ZC3H7A: variants seen among roughly 807,000 people sequenced by gnomAD.
ZC3H7A encodes zinc finger CCCH-type containing 7A.
ZC3H7A carries 44 observed loss-of-function variants against 125.5 expected under a neutral mutation model. The ratio of observed to expected loss-of-function variants is 0.35; its 90% CI spans 0.28 to 0.45. The LOEUF (loss-of-function observed/expected upper bound fraction) is 0.45. Ranked by LOEUF, ZC3H7A falls within the 20% of genes least tolerant of loss-of-function variation. ZC3H7A has a pLI of 1.00. For missense variants in ZC3H7A, 977 were observed against 1,170.7 expected (o/e 0.83, Z 2.41); for synonymous variants, 399 against 391.2 (o/e 1.02, Z -0.23).
chr16:11,769,748 AT>A (rs1269228337), intron 10 of ZC3H7A, among the ~76,000 whole-genome samples: 1 of 126,330 alleles, frequency 7.9e-6, no homozygotes. Context: ...TGACCATAAC[AT>A]TTAAAAAAAA....
At chr16:11,795,602 AT>A (rs1286227757) in intron 1 of ZC3H7A, among the ~76,000 whole-genome samples, 1 of 151,674 alleles carries the variant, frequency 6.6e-6, no homozygotes, top group African/African-American at 2.4e-5. Context: ...CGCCTGGCTG[AT>A]TTTTGTATTT....
At chr16:11,794,454 A>G (rs2053401364) in intron 1 of ZC3H7A, among the ~76,000 whole-genome samples, 2 of 152,194 alleles carry the variant, frequency 1.3e-5, no homozygotes, top group African/African-American at 4.8e-5. Context: ...CTCCTCCTTA[A>G]AAATTATCTA....
At position 11,771,524 on chromosome 16, in the gene ZC3H7A, G is replaced by GGA. The variant is rs544511833; in HGVS notation, c.904-539_904-538dup. 3.4e-4 allele frequency among the ~76,000 whole-genome samples: 51 copies of GGA among 150,168 alleles called. No individual in the cohort carries two copies. The South Asian group carries it at 0.011, about 32-fold the overall frequency. On this transcript the variant is annotated intron_variant, in intron 9 of 22. Coordinates refer to ENST00000355758, the MANE Select transcript of ZC3H7A (RefSeq NM_014153.4). The stretch of plus-strand genomic sequence containing the variant: ...ATGTCTAACTTTTTTTTTTTGAGAC[G>GGA]GAGTCTCACTCTGTCACCCAGGCTG...
At chr16:11,797,083 G>A (rs1180485150) in intron 1 of ZC3H7A, 41 bp downstream of exon 1, 1 of 145,676 alleles carries the variant, frequency 6.9e-6, no homozygotes, top group Non-Finnish European at 1.5e-5. Flanking sequence ...GCGCGGGCGC[G>A]CGCGTTTCCT....
At chr16:11,771,718 C>G (rs2052986262) in intron 9 of ZC3H7A, among the ~76,000 whole-genome samples, 1 of 152,022 alleles carries the variant, frequency 6.6e-6, no homozygotes, top group Non-Finnish European at 1.5e-5. Context: ...CCAGGCTGGT[C>G]TCAAACTCCT....
intron 8 of ZC3H7A, 42 bp from the exon 9 acceptor site, chr16:11,774,561 C>T: frequency 6.8e-7 from 1 of 1,474,710 alleles, no homozygotes; most frequent in South Asian, 1.5e-5. Context: ...TTTCATCGTA[C>T]TTACATAATA....
chr16:11,773,935 AT>A (rs1401643475), intron 9 of ZC3H7A, among the ~76,000 whole-genome samples: 2 of 152,004 alleles, frequency 1.3e-5, no homozygotes, highest in South Asian at 2.1e-4. Flanking sequence ...TATATAATTC[AT>A]TTTTTCTTAA....
intron 1 of ZC3H7A, among the ~76,000 whole-genome samples, chr16:11,788,388 C>G (rs1005774452): frequency 6.6e-6 from 1 of 152,192 alleles, no homozygotes; most frequent in African/African-American, 2.4e-5. Flanking sequence ...ACTCTCACGT[C>G]CATCCCCAGG....
rs188559159 is a variant in ZC3H7A, at chr16:11,750,682, A to G, written c.*635T>C. On this transcript the variant is annotated 3_prime_UTR_variant, in exon 23 of 23. Coordinates refer to ENST00000355758, the MANE Select transcript of ZC3H7A (RefSeq NM_014153.4). ...ACAGGTTTAATCTTTCAAAATCATC[A>G]TTTAAACAGCAAAAGACCAAGAAAT... The G allele has an allele frequency of 1.3e-5, 2 of 152,808 alleles. No homozygotes were observed. Among genetic ancestry groups the G allele is most frequent in the African/African-American group, 4.8e-5 (2 of 41,570 alleles). The allele number at this position is 152,808 out of a possible 1,614,324, so 9.5% of individuals were successfully genotyped here.
chr16:11,767,623 C>A (rs756731980), intron 12 of ZC3H7A, 45 bp from the exon 13 acceptor site: 2 of 1,470,808 alleles, frequency 1.4e-6, no homozygotes, highest in East Asian at 2.4e-5. Context: ...CAAAAAATAT[C>A]ATTTCATTTT....
At chr16:11,793,832 G>C (rs2053391067) in intron 1 of ZC3H7A, among the ~76,000 whole-genome samples, 1 of 152,286 alleles carries the variant, frequency 6.6e-6, no homozygotes, top group East Asian at 1.9e-4. Context: ...TTACTGAAAA[G>C]GAAAATTTCA....
intron 21 of ZC3H7A, among the ~76,000 whole-genome samples, chr16:11,755,209 CAAAA>C (rs71136681): frequency 1.4e-4 from 14 of 96,846 alleles, no homozygotes; most frequent in Non-Finnish European, 6.6e-5. Context: ...GACTCCATCT[CAAAA>C]AAAAAAAAAA....
chr16:11,769,554 A>C (rs1362065090), intron 10 of ZC3H7A, among the ~76,000 whole-genome samples: 2 of 150,852 alleles, frequency 1.3e-5, no homozygotes, highest in East Asian at 2.0e-4. Flanking sequence ...CTGAAAATAC[A>C]AAAAAAATTT....
Position 11,791,968 on chromosome 16 carries a change from G to A in ZC3H7A, c.-35+5156C>T, listed in dbSNP as rs534973946. 2.6e-5 allele frequency among the ~76,000 whole-genome samples: 4 copies of A among 152,296 alleles called. No individual in the cohort carries two copies. In the South Asian group the frequency reaches 8.3e-4, roughly 32 times the overall value. ...CCTGTGTTGCCCAGGCTGCAGTACA[G>A]TGGCACAACCATAGCTCACTGCAGC... is the stretch of plus-strand genomic sequence containing the variant. On this transcript the variant is annotated intron_variant, in intron 1 of 22. Transcript: ENST00000355758.
At chr16:11,784,184 G>C (rs556417238) in intron 1 of ZC3H7A, among the ~76,000 whole-genome samples, 58 of 152,132 alleles carry the variant, frequency 3.8e-4, no homozygotes, top group Non-Finnish European at 7.1e-4. Flanking sequence ...TTAGCCAAAA[G>C]GGGGGTAGCT....
intron 21 of ZC3H7A, among the ~76,000 whole-genome samples, chr16:11,754,568 A>G (rs928416327): frequency 4.6e-5 from 7 of 151,978 alleles, no homozygotes; most frequent in Non-Finnish European, 1.0e-4. Context: ...AAACTTTTAA[A>G]ACCACATCAA....
At position 11,756,364 on chromosome 16, in the gene ZC3H7A, T is replaced by A; in HGVS notation, c.2435A>T (p.Asp812Val). ...CCATAGTTCGTAAAATTGCTCCATA[T>A]CTTGTACTAAAGAAAAATGAATTAC... ...WTYMKENGIQ[D>V]MEQFYELWLK... is the part of the protein sequence containing the mutation. The change falls in exon 21 of 23, where the codon GAT becomes GTT. Residue 812 changes from aspartate to valine, a missense_variant. Around this residue, in one of 3 missense-constraint regions of ZC3H7A, gnomAD observed 436 missense variants for 603.2 expected, o/e 0.72. Coordinates refer to ENST00000355758, the MANE Select transcript of ZC3H7A (RefSeq NM_014153.4). 1 of 1,610,280 alleles carries A rather than the reference T, an allele frequency of 6.2e-7. No homozygotes were observed. Among genetic ancestry groups the A allele is most frequent in the Non-Finnish European group, 8.5e-7 (1 of 1,179,066 alleles).
intron 9 of ZC3H7A, 130 bp downstream of exon 9, chr16:11,774,106 A>G: frequency 1.1e-6 from 1 of 875,664 alleles, no homozygotes; most frequent in Non-Finnish European, 1.6e-6. Context: ...GAAAAAAAGT[A>G]ACTTTCAAGG....
intron 18 of ZC3H7A, 44 bp from the exon 19 acceptor site, chr16:11,761,555 A>G (rs772566549): frequency 1.2e-6 from 2 of 1,602,226 alleles, no homozygotes; most frequent in Non-Finnish European, 1.7e-6. Flanking sequence ...CACACGAGCA[A>G]AAGACATAAC....
Sources: allele counts gnomAD v4.1 joint callset (sites outside exome capture counted in the v4.1 genomes callset), GRCh38; gene constraint gnomAD v4.1.1; regional missense constraint gnomAD v4.1.1; transcripts MANE v1.5; gene names NCBI Gene and HGNC (gene_info 2026-07-23, HGNC 2026-07-21).